Variants in CTNNA2 observed in about 807,000 individuals in gnomAD.
The protein encoded by CTNNA2 is catenin alpha 2, also known as catenin alpha-2.
Under a neutral mutation model 101.0 loss-of-function variants are expected in CTNNA2, and 42 were observed. The observed-to-expected ratio is 0.42, with a 90% confidence interval of 0.32 to 0.54. The LOEUF is 0.54. CTNNA2 is among the 20% of genes least tolerant of loss of function. CTNNA2 has a pLI of 0.14. For synonymous variants in CTNNA2, 450 were observed against 456.4 expected, an observed-to-expected ratio of 0.99 and a Z score of 0.18; for missense variants, 871 against 1,223.1, an observed-to-expected ratio of 0.71 and a Z score of 4.29.
At chr2:79,488,318 C>CAA (rs61641596) in intron 4 of CTNNA2, among the ~76,000 whole-genome samples, 1,211 of 98,690 alleles carry the variant, frequency 0.012, 26 homozygotes, top group Non-Finnish European at 0.014. Context: ...AACTCCATCT[C>CAA]AAAAAAAAAA....
chr2:80,477,420 T>C (rs112924007), intron 9 of CTNNA2, among the ~76,000 whole-genome samples: 50 of 152,272 alleles, frequency 3.3e-4, no homozygotes, highest in African/African-American at 1.2e-3. Context: ...GGATGAATTA[T>C]GTAGCGGCAA....
chr2:79,291,235 T>A (rs556263211), intron 2 of CTNNA2, among the ~76,000 whole-genome samples: 1 of 152,342 alleles, frequency 6.6e-6, no homozygotes, highest in South Asian at 2.1e-4. Flanking sequence ...TAACTGAAAT[T>A]TGCATTATCT....
At chr2:80,332,143 A>G (rs1047854376) in intron 7 of CTNNA2, among the ~76,000 whole-genome samples, 1 of 152,136 alleles carries the variant, frequency 6.6e-6, no homozygotes, top group Admixed American at 6.5e-5. Context: ...TACATGTCTT[A>G]GTTTACTTTT....
intron 7 of CTNNA2, among the ~76,000 whole-genome samples, chr2:80,181,735 T>A (rs1314499330): frequency 6.6e-6 from 1 of 152,220 alleles, no homozygotes; most frequent in Non-Finnish European, 1.5e-5. Context: ...TGGTCAAAGG[T>A]ATTATGTATA....
intron 7 of CTNNA2, among the ~76,000 whole-genome samples, chr2:80,021,632 T>G (rs1376699417): frequency 2.0e-5 from 3 of 152,226 alleles, no homozygotes; most frequent in Non-Finnish European, 4.4e-5. Flanking sequence ...GTATTTATGA[T>G]ATACATCATG....
chr2:79,222,247 G>A (rs935544798), intron 2 of CTNNA2, among the ~76,000 whole-genome samples: 3 of 152,178 alleles, frequency 2.0e-5, no homozygotes, highest in African/African-American at 7.2e-5. Flanking sequence ...ATTAATATTA[G>A]CCATGAAATG....
intron 3 of CTNNA2, among the ~76,000 whole-genome samples, chr2:79,345,970 G>A (rs1365630689): frequency 6.6e-6 from 1 of 151,574 alleles, no homozygotes. Context: ...AAAGTGCTAG[G>A]ATTACAGGCG....
At chr2:80,406,624 C>T (rs138841697) in intron 8 of CTNNA2, among the ~76,000 whole-genome samples, 2,231 of 151,928 alleles carry the variant, frequency 0.015, 40 homozygotes, top group African/African-American at 0.036. Flanking sequence ...CAGGGGATCG[C>T]GACCATCGTG....
At chr2:80,447,776 T>C (rs1391148686) in intron 9 of CTNNA2, among the ~76,000 whole-genome samples, 1 of 151,722 alleles carries the variant, frequency 6.6e-6, no homozygotes, top group East Asian at 1.9e-4. Context: ...TTTTCTTTAG[T>C]TCACCCTTAG....
At chr2:80,251,612 TCTC>T (rs1350578651) in intron 7 of CTNNA2, among the ~76,000 whole-genome samples, 1 of 152,150 alleles carries the variant, frequency 6.6e-6, no homozygotes, top group Non-Finnish European at 1.5e-5. Flanking sequence ...TGATATAACT[TCTC>T]CTAAGTCTAG....
chr2:79,288,709 G>A (rs1409818538), intron 2 of CTNNA2, among the ~76,000 whole-genome samples: 2 of 152,152 alleles, frequency 1.3e-5, no homozygotes, highest in African/African-American at 2.4e-5. Flanking sequence ...AGAAATTAGA[G>A]GTTGCCAGTC....
chr2:79,787,639 C>A (rs1376081484), intron 3 of CTNNA2, among the ~76,000 whole-genome samples: 1 of 152,010 alleles, frequency 6.6e-6, no homozygotes, highest in African/African-American at 2.4e-5. Flanking sequence ...AGGCTGGTTC[C>A]TTCTGGGAGG....
intron 4 of CTNNA2, among the ~76,000 whole-genome samples, chr2:79,407,138 T>C (rs1347949261): frequency 3.3e-5 from 5 of 152,074 alleles, no homozygotes; most frequent in Admixed American, 6.6e-5. Context: ...GTCAAGTTTG[T>C]AAAACTAGTA....
At chr2:79,943,045 C>T (rs576037078) in intron 7 of CTNNA2, among the ~76,000 whole-genome samples, 1 of 152,052 alleles carries the variant, frequency 6.6e-6, no homozygotes, top group Non-Finnish European at 1.5e-5. Flanking sequence ...GTTGAAACCC[C>T]ATCTCTGCTA....
intron 1 of CTNNA2, among the ~76,000 whole-genome samples, chr2:79,617,146 C>A (rs1678682350): frequency 6.6e-6 from 1 of 152,130 alleles, no homozygotes; most frequent in African/African-American, 2.4e-5. Context: ...TCGTGATCCG[C>A]CCACCTTGGC....
chr2:79,268,066 A>G (rs1675009529), intron 2 of CTNNA2, among the ~76,000 whole-genome samples: 1 of 152,118 alleles, frequency 6.6e-6, no homozygotes, highest in Non-Finnish European at 1.5e-5. Flanking sequence ...TAGTGAGGGG[A>G]GAGCCAGTGA....
intron 6 of CTNNA2, among the ~76,000 whole-genome samples, chr2:79,883,774 A>G (rs950944821): frequency 6.6e-6 from 1 of 152,180 alleles, no homozygotes; most frequent in African/African-American, 2.4e-5. Flanking sequence ...GATACTTTCA[A>G]AAAATTTCAA....
intron 3 of CTNNA2, among the ~76,000 whole-genome samples, chr2:79,349,420 A>G (rs1677333754): frequency 6.6e-6 from 1 of 152,188 alleles, no homozygotes; most frequent in Admixed American, 6.5e-5. Context: ...CTCTAGGGTT[A>G]GGGCTAATAA....
At chr2:79,232,028 TC>T (rs1674499636) in intron 2 of CTNNA2, among the ~76,000 whole-genome samples, 1 of 152,188 alleles carries the variant, frequency 6.6e-6, no homozygotes, top group African/African-American at 2.4e-5. Flanking sequence ...CTTGTTATTC[TC>T]CTAGTTGGAT....
Sources: gnomAD v4.1 joint callset for allele counts (sites outside exome capture counted in the v4.1 genomes callset) on GRCh38, gnomAD v4.1.1 for gene constraint, MANE v1.5 for transcripts, NCBI Gene and HGNC (gene_info 2026-07-23, HGNC 2026-07-21) for gene names.